HK1: variants seen among roughly 807,000 people sequenced by gnomAD.
HK1 encodes hexokinase-1.
Under a neutral mutation model 91.6 loss-of-function variants are expected in HK1, and 28 were observed. The observed-to-expected ratio is 0.31, with a 90% CI of 0.23 to 0.42. HK1 has a LOEUF of 0.42. HK1 is among the 10% of genes least tolerant of loss of function. HK1 has a pLI of 1.00. For missense variants in HK1, 770 were observed against 1,219.8 expected, an observed-to-expected ratio of 0.63 and a Z score of 5.49; for synonymous variants, 430 against 468.1, an observed-to-expected ratio of 0.92 and a Z score of 1.05.
At position 69,319,029 on chromosome 10, in the gene HK1, C is replaced by T; in HGVS notation, c.63+19C>T. ...CAAAAAGGTGAGCCCCCGCCCGCGCCGCCGCTGGTCCTGGCCGCAGCCTTG... is the reference window on the plus strand; with the variant it reads ...CAAAAAGGTGAGCCCCCGCCCGCGCTGCCGCTGGTCCTGGCCGCAGCCTTG... On this transcript the variant is annotated intron_variant, in intron 1 of 17. Transcript: ENST00000359426. 6.3e-7 allele frequency: 1 copy of T among 1,589,722 alleles called. No individual in the cohort carries two copies. The highest frequency in any genetic ancestry group is 1.3e-5 in the African/African-American group (1 of 74,396).
At position 69,270,473 on chromosome 10, in the gene HK1, C is replaced by T. The variant is rs149267542; in HGVS notation, c.-391+365C>T. Among the ~76,000 whole-genome samples, 716 of 152,144 alleles carry T rather than the reference C, an allele frequency of 4.7e-3. 6 individuals are homozygous for T. The highest frequency in any genetic ancestry group is 0.016 in the African/African-American group (675 of 41,518). On this transcript the variant is annotated intron_variant, in intron 1 of 21. Transcript: ENST00000360289. The stretch of plus-strand genomic sequence containing the variant: ...TGGCAGGTGCCTGTAATCCTAGCTA[C>T]TCGGGAGGCTGAAGCAGGAGAATTG...
At chr10:69,382,341 C>G in intron 9 of HK1, 146 bp from the exon 10 acceptor site, 1 of 855,016 alleles carries the variant, frequency 1.2e-6, no homozygotes, top group Non-Finnish European at 1.9e-6. Flanking sequence ...TGCCATTGCA[C>G]TCCAGCCTGG....
Position 69,376,844 on chromosome 10 carries a change from G to A in HK1, c.876-90G>A, listed in dbSNP as rs367755643. On this transcript the variant is annotated intron_variant, in intron 7 of 17. Transcript: ENST00000359426. The stretch of plus-strand genomic sequence containing the variant: ...GCTGGGGGCTGGTGAGGGGTGAGTC[G>A]GGGCTTCCCATTCCTTTTATGTCTG... 2.8e-5 allele frequency: 42 copies of A among 1,521,050 alleles called. No individual in the cohort carries two copies. In the East Asian group the frequency reaches 5.2e-4, roughly 19 times the overall value. 94.2% of individuals were successfully genotyped at this position (1,521,050 alleles called of 1,614,324 possible). A position where few individuals can be genotyped will look rare whatever the true frequency, so the allele number is the denominator to read the frequency against.
intron 5 of HK1, among the ~76,000 whole-genome samples, chr10:69,302,620 TG>T (rs1040718084): frequency 6.6e-6 from 1 of 151,548 alleles, no homozygotes; most frequent in African/African-American, 2.4e-5. Context: ...CTGAGAGTGG[TG>T]GGGTGCATCT....
chr10:69,310,370 G>A (rs1264166603), intron 5 of HK1, among the ~76,000 whole-genome samples: 3 of 146,772 alleles, frequency 2.0e-5, no homozygotes, highest in South Asian at 2.1e-4. Context: ...GCAGTGAGCC[G>A]AGATCGTGCC....
chr10:69,297,422 G>A (rs1292657894), intron 4 of HK1, among the ~76,000 whole-genome samples: 4 of 152,114 alleles, frequency 2.6e-5, no homozygotes, highest in East Asian at 1.9e-4. Context: ...AGTGCAAACC[G>A]GTGTTGTTCG....
At chr10:69,273,206 TTTTA>T (rs1326671530) in intron 1 of HK1, among the ~76,000 whole-genome samples, 2 of 151,728 alleles carry the variant, frequency 1.3e-5, no homozygotes, top group African/African-American at 4.8e-5. Flanking sequence ...ACTTTTGTAT[TTTTA>T]TTTATTTATT....
At chr10:69,379,822 G>A (rs901685731) in intron 8 of HK1, 40 bp from the exon 9 acceptor site, 17 of 1,382,730 alleles carry the variant, frequency 1.2e-5, no homozygotes, top group Non-Finnish European at 1.8e-5. Flanking sequence ...ACTGCCTCAT[G>A]TGGTCCTCAG....
chr10:69,325,898 G>A (rs1429936920), intron 1 of HK1, among the ~76,000 whole-genome samples: 3 of 150,364 alleles, frequency 2.0e-5, no homozygotes, highest in South Asian at 2.1e-4. Context: ...ACAGTAGCAC[G>A]ATCTCACCTC....
chr10:69,312,040 C>T (rs1846400568), upstream of HK1, among the ~76,000 whole-genome samples: 1 of 152,164 alleles, frequency 6.6e-6, no homozygotes. Context: ...TTCCTTGGCT[C>T]TTCTGAGGAA....
At position 69,389,605 on chromosome 10, in the gene HK1, A is replaced by T. The variant is rs192455521; in HGVS notation, c.2035+309A>T. Among the ~76,000 whole-genome samples the T allele has an allele frequency of 2.6e-5, 4 of 150,962 alleles. No individual in the cohort carries two copies. The East Asian group carries it at 7.8e-4, about 30-fold the overall frequency. On this transcript the variant is annotated intron_variant, in intron 14 of 17. Transcript: ENST00000359426. ...GGCTTGAGTGGAGACAGGTACCTGG[A>T]GCGGGCCTGGCAAACATGGCAGCTC... is the stretch of plus-strand genomic sequence containing the variant.
chr10:69,295,011 CAGAGAGAGAG>C (rs3086615), intron 3 of HK1, among the ~76,000 whole-genome samples: 5 of 125,146 alleles, frequency 4.0e-5, no homozygotes, highest in Non-Finnish European at 6.5e-5. Context: ...GCCTGGGCAA[CAGAGAGAGAG>C]AGAGAGAGAG....
At chr10:69,287,072 C>G (rs1023297235) in intron 2 of HK1, among the ~76,000 whole-genome samples, 24 of 151,942 alleles carry the variant, frequency 1.6e-4, no homozygotes, top group Non-Finnish European at 7.4e-5. Context: ...GTCATAATAA[C>G]ATCACACAAG....
intron 3 of HK1, among the ~76,000 whole-genome samples, chr10:69,291,055 C>G (rs953066087): frequency 6.6e-6 from 1 of 152,240 alleles, no homozygotes; most frequent in Non-Finnish European, 1.5e-5. Flanking sequence ...CCTTCTAAAC[C>G]TGGAAGCTTG....
chr10:69,394,297 G>A (rs2132949810), intron 15 of HK1, among the ~76,000 whole-genome samples: 1 of 152,312 alleles, frequency 6.6e-6, no homozygotes, highest in East Asian at 1.9e-4. Context: ...CCTCCTGTGT[G>A]GCCTCATCAC....
chr10:69,333,938 G>C (rs10823346), intron 1 of HK1, among the ~76,000 whole-genome samples: 52,250 of 151,790 alleles, frequency 0.34, 10,724 homozygotes, highest in African/African-American at 0.57. Flanking sequence ...TGGTGAAACC[G>C]TGTCTCTACT....
chr10:69,384,222 C>A, intron 10 of HK1, 111 bp from the exon 11 acceptor site: 1 of 1,304,694 alleles, frequency 7.7e-7, no homozygotes, highest in East Asian at 2.3e-5. Context: ...GCAGCTTCTC[C>A]TCTATGTTTG....
chr10:69,384,107 T>C (rs1019539943), intron 10 of HK1, among the ~76,000 whole-genome samples: 14 of 152,184 alleles, frequency 9.2e-5, no homozygotes, highest in African/African-American at 3.4e-4. Context: ...TGACAGGTGG[T>C]TTACTCACAT....
At chr10:69,368,480 T>C in intron 4 of HK1, 56 bp from the exon 5 acceptor site, 2 of 1,461,794 alleles carry the variant, frequency 1.4e-6, no homozygotes, top group African/African-American at 1.4e-5. Flanking sequence ...GCCCAGGGCC[T>C]TGGGGTGCTG....
Sources: gnomAD v4.1 joint callset for allele counts (sites outside exome capture counted in the v4.1 genomes callset) on GRCh38, gnomAD v4.1.1 for gene constraint, MANE v1.5 for transcripts, NCBI Gene and HGNC (gene_info 2026-07-23, HGNC 2026-07-21) for gene names.